Variants in ARHGAP4 observed in about 807,000 individuals in gnomAD.
ARHGAP4 encodes rho GTPase-activating protein 4.
ARHGAP4 carries 25 observed loss-of-function variants against 67.6 expected under a neutral mutation model. The ratio of observed to expected loss-of-function variants is 0.37; its 90% CI spans 0.27 to 0.52. The LOEUF is 0.52. Among genes scored for constraint, ARHGAP4 ranks in the 20% least tolerant of loss-of-function variants. The probability of loss-of-function intolerance (pLI) is 0.92; values close to 1 mark genes in which losing one functional copy is unlikely to be tolerated. For synonymous variants in ARHGAP4, 448 were observed against 373.7 expected (o/e 1.20, Z -2.29); for missense variants, 804 against 854.6 (o/e 0.94, Z 0.74).
chrX:153,917,763 C>CAACAA (rs1569545978), intron 7 of ARHGAP4, among the ~76,000 whole-genome samples: 2 of 112,107 alleles, frequency 1.8e-5, no homozygotes, highest in Admixed American at 9.4e-5. Context: ...AAACAAAACA[C>CAACAA]AACAAAACAA....
At chrX:153,922,197 C>T (rs1210566592) in intron 1 of ARHGAP4, 1 of 845,954 alleles carries the variant, frequency 1.2e-6, no homozygotes, top group Non-Finnish European at 1.4e-6. Flanking sequence ...ACTTCCTTTC[C>T]CGCCGGTACC....
At chrX:153,926,109 G>A in intron 1 of ARHGAP4, 27 bp downstream of exon 1, 1 of 1,200,756 alleles carries the variant, frequency 8.3e-7, no homozygotes, top group Non-Finnish European at 1.1e-6. Flanking sequence ...GCAGGAAACG[G>A]GCCGGGAGCG....
chrX:153,913,192 G>A (rs373212160), intron 10 of ARHGAP4, 26 bp downstream of exon 10: 36 of 1,163,652 alleles, frequency 3.1e-5, no homozygotes, highest in Non-Finnish European at 4.0e-5. Flanking sequence ...GGGGAGAGGC[G>A]GGGAAGGGGG....
Position 153,907,900 on chromosome X carries a change from C to G in ARHGAP4, c.2670G>C (p.Gln890His). ...AGGTGGTAGATGCTGGCCCAAGGCC[C>G]TGGCGGACAGAGGTCTTTCCCAAGA... The part of the protein sequence containing the change: ...KELLGKTSVR[Q>H]GLGPASTTSP... Residue 890 changes from glutamine to histidine, a missense_variant, in exon 22 of 22, where the codon CAG becomes CAC. Gln to His is a conservative substitution (Grantham distance 24). Transcript: ENST00000350060. 1.9e-6 allele frequency: 2 copies of G among 1,062,640 alleles called. No individual in the cohort carries two copies. Among genetic ancestry groups the G allele is most frequent in the Non-Finnish European group, 2.4e-6 (2 of 817,938 alleles). The allele number at this position is 1,062,640 out of a possible 1,213,427, so 87.6% of individuals were successfully genotyped here.
At chrX:153,926,084 G>T in intron 1 of ARHGAP4, 52 bp downstream of exon 1, 2 of 1,183,655 alleles carry the variant, frequency 1.7e-6, no homozygotes, top group South Asian at 1.8e-5. Context: ...GCTCCCTCAC[G>T]ACCTTGGGTT....
Position 153,926,238 on chromosome X carries a change from T to C in ARHGAP4, c.-36A>G. On this transcript the variant is annotated 5_prime_UTR_variant, in exon 1 of 22. Transcript: ENST00000350060. The stretch of plus-strand genomic sequence containing the variant: ...CGGCCGCGCCGTCGAACCCCACTGC[T>C]CCCACGCGGCCGTGAGCGGGCCCGG... The C allele has an allele frequency of 9.9e-6, 11 of 1,116,620 alleles. No homozygotes were observed. Among genetic ancestry groups the C allele is most frequent in the Non-Finnish European group, 1.3e-5 (11 of 849,853 alleles). 92.0% of individuals were successfully genotyped at this position (1,116,620 alleles called of 1,213,427 possible).
chrX:153,914,178 G>A (rs2148521855), intron 7 of ARHGAP4: 1 of 321,590 alleles, frequency 3.1e-6, no homozygotes, highest in Non-Finnish European at 5.5e-6. Context: ...CTTATGTGAA[G>A]TGTCCAGCCA....
At chrX:153,918,497 C>T (rs190186104) in intron 7 of ARHGAP4, among the ~76,000 whole-genome samples, 4 of 112,677 alleles carry the variant, frequency 3.5e-5, no homozygotes, top group South Asian at 7.2e-4. Context: ...ACTAGCTCGA[C>T]GGAGAAGGAT....
At position 153,909,458 on chromosome X, in the gene ARHGAP4, G is replaced by A. The variant is rs782266940; in HGVS notation, c.2492C>T (p.Ser831Leu). 1.4e-5 allele frequency: 17 copies of A among 1,203,443 alleles called. No homozygotes were observed. The highest frequency in any genetic ancestry group is 2.3e-4 in the Middle Eastern group (1 of 4,319). The change falls in exon 20 of 22, where the codon TCG (serine) becomes TTG (leucine). Residue 831 changes from serine (S) to leucine (L), a missense_variant. Around this residue, in one of 2 missense-constraint regions of ARHGAP4, gnomAD observed 400 missense variants for 348.7 expected, o/e 1.15. Transcript: ENST00000350060. ...TCTTGCTCACCGGTGGACCAGCTCC[G>A]ATGCCAGGAGGCCCTCGGGACTGCT... ...SGSSPEGLLA[S>L]ELVHRPEPCT...
intron 1 of ARHGAP4, chrX:153,922,295 A>G (rs1461025749): frequency 4.2e-5 from 32 of 761,726 alleles, no homozygotes; most frequent in Non-Finnish European, 5.0e-5. Context: ...GCCTGCAGCG[A>G]TCTCGCAGTC....
In ARHGAP4 at chrX:153,913,619, C is replaced by A. The variant is rs1445633070; in HGVS notation, c.1135-19G>T. On this transcript the variant is annotated intron_variant, in intron 8 of 21. Transcript: ENST00000350060. ...TGTTCACCTGCAGAGGAGACCACAC[C>A]AGGGTGGTAAGAGGTGGGGGACAGG... The A allele has an allele frequency of 8.4e-7, 1 of 1,190,227 alleles. No individual in the cohort carries two copies. Among genetic ancestry groups the A allele is most frequent in the Non-Finnish European group, 1.1e-6 (1 of 881,397 alleles).
rs1557104615 is a variant in ARHGAP4, at chrX:153,918,849, G to T, written c.1015C>A (p.Pro339Thr). 8.2e-7 allele frequency: 1 copy of T among 1,212,270 alleles called. No homozygotes were observed. Among genetic ancestry groups the T allele is most frequent in the African/African-American group, 1.7e-5 (1 of 57,992 alleles). ...FCPPLRFDYH[P>T]HDGDEVAEIC... ...ACCCTCACCTCATCCCCATCATGGG[G>T]GTGGTAGTCAAAGCGCAGCGGGGGA... The change falls in exon 7 of 22, where the codon CCC becomes ACC. Residue 339 changes from proline (P) to threonine (T), a missense_variant. By Grantham distance (38) the Pro-to-Thr change is conservative. Around this residue, in one of 2 missense-constraint regions of ARHGAP4, gnomAD observed 404 missense variants for 505.9 expected, o/e 0.80. Transcript: ENST00000350060.
chrX:153,908,003 C>A (rs782344073), intron 21 of ARHGAP4, 41 bp from the exon 22 acceptor site: 58 of 1,104,372 alleles, frequency 5.3e-5, no homozygotes, highest in Non-Finnish European at 6.6e-5. Flanking sequence ...CAGTGAGTTC[C>A]CCCGACTGAC....
At chrX:153,925,600 A>G (rs1557106006) in intron 1 of ARHGAP4, among the ~76,000 whole-genome samples, 1 of 112,585 alleles carries the variant, frequency 8.9e-6, no homozygotes, top group African/African-American at 3.2e-5. Context: ...AAATCTCTCA[A>G]CCAAGACTCA....
chrX:153,911,644 G>T (rs1309058882), intron 12 of ARHGAP4, among the ~76,000 whole-genome samples: 2 of 112,255 alleles, frequency 1.8e-5, no homozygotes, highest in African/African-American at 6.5e-5. Flanking sequence ...GGGTGTGGTG[G>T]CTCATGCCTG....
chrX:153,924,322 T>C (rs2065113953), intron 1 of ARHGAP4, among the ~76,000 whole-genome samples: 1 of 111,592 alleles, frequency 9.0e-6, no homozygotes, highest in Non-Finnish European at 1.9e-5. Context: ...GATCCGGGCA[T>C]GCACACCGGC....
At chrX:153,917,847 A>T (rs1355047277) in intron 7 of ARHGAP4, among the ~76,000 whole-genome samples, 9 of 112,616 alleles carry the variant, frequency 8.0e-5, no homozygotes, top group African/African-American at 2.9e-4. Context: ...AAATAAGGGT[A>T]TCAAACTAAG....
chrX:153,919,631 A>G, intron 5 of ARHGAP4: 1 of 1,167,227 alleles, frequency 8.6e-7, no homozygotes, highest in African/African-American at 1.8e-5. Flanking sequence ...CCCAGCTTGG[A>G]GCCAGCACAC....
In ARHGAP4 at chrX:153,909,929, G is replaced by A. The variant is rs782654112; in HGVS notation, c.2231-5C>T. 21 of 1,206,434 alleles carry A rather than the reference G, an allele frequency of 1.7e-5. No individual in the cohort carries two copies. The African/African-American group carries it at 3.7e-4, about 21-fold the overall frequency. ...CCTCCACGACCCCCTCCAGGTCTGG[G>A]GAGGAGAGGGGGTCCAAGCTGTGGG... On this transcript the variant is annotated splice_polypyrimidine_tract_variant and splice_region_variant and intron_variant, in intron 18 of 21. Transcript: ENST00000350060.
Sources: gnomAD v4.1 joint callset for allele counts (sites outside exome capture counted in the v4.1 genomes callset) on GRCh38, gnomAD v4.1.1 for gene constraint, gnomAD v4.1.1 regional missense constraint, MANE v1.5 for transcripts, NCBI Gene and HGNC (gene_info 2026-07-23, HGNC 2026-07-21) for gene names.